Variants in ZNF521 observed in about 807,000 individuals in gnomAD.
The protein encoded by ZNF521 is zinc finger protein 521, also known as LYST-interacting protein 3.
A neutral mutation model predicts 105.5 loss-of-function variants in ZNF521; 14 were observed. The observed-to-expected ratio is 0.13, with a 90% confidence interval of 0.09 to 0.21. ZNF521 has a LOEUF of 0.21. Among genes scored for constraint, ZNF521 ranks in the 10% least tolerant of loss-of-function variants. ZNF521 has a pLI of 1.00. For synonymous variants in ZNF521, 635 were observed against 606.0 expected (o/e 1.05, Z -0.70); for missense variants, 1,233 against 1,629.7 (o/e 0.76, Z 4.19).
intron 2 of ZNF521, among the ~76,000 whole-genome samples, chr18:25,345,682 G>A (rs1914430267): frequency 1.3e-5 from 2 of 152,174 alleles, no homozygotes; most frequent in Non-Finnish European, 2.9e-5. Context: ...TGGGATCCTT[G>A]CCAACTGTAA....
chr18:25,183,063 T>C (rs2035659819), intron 5 of ZNF521, among the ~76,000 whole-genome samples: 1 of 152,156 alleles, frequency 6.6e-6, no homozygotes, highest in Non-Finnish European at 1.5e-5. Context: ...TAAGAAAAAC[T>C]GATAAAGGTG....
intron 5 of ZNF521, among the ~76,000 whole-genome samples, chr18:25,100,164 C>T (rs1288339439): frequency 6.6e-6 from 1 of 150,784 alleles, no homozygotes; most frequent in East Asian, 2.0e-4. Flanking sequence ...AGTCTCCAAA[C>T]ACTGAAAAGC....
At chr18:25,218,119 A>G (rs1905451635) in intron 4 of ZNF521, among the ~76,000 whole-genome samples, 1 of 152,218 alleles carries the variant, frequency 6.6e-6, no homozygotes. Flanking sequence ...TTTCACAATA[A>G]AAGGATTATT....
rs75621352 is a variant in ZNF521 at position 25,191,619 on chromosome 18, T to C, written c.3658+3541A>G. On this transcript the variant is annotated intron_variant, in intron 5 of 7. Coordinates refer to ENST00000361524, the MANE Select transcript of ZNF521 (RefSeq NM_015461.3). ...ATAGATAATTAGAGGCTGGTAATTA[T>C]TGGTCAAGAATTATCAGAGTGAAAA... Among the ~76,000 whole-genome samples the C allele has an allele frequency of 3.0e-3, 457 of 152,314 alleles. 6 individuals are homozygous for C. The highest frequency in any genetic ancestry group is 0.026 in the East Asian group (136 of 5,180).
intron 5 of ZNF521, among the ~76,000 whole-genome samples, chr18:25,187,158 T>C (rs1216318008): frequency 6.6e-6 from 1 of 152,090 alleles, no homozygotes; most frequent in Non-Finnish European, 1.5e-5. Flanking sequence ...GTAAAATTTC[T>C]AAGCACATTA....
At chr18:25,195,017 T>C in intron 5 of ZNF521, 143 bp downstream of exon 5, 1 of 646,700 alleles carries the variant, frequency 1.5e-6, no homozygotes. Context: ...TCAGGACTAA[T>C]AACAGAAATT....
At chr18:25,105,678 C>T (rs2034057743) in intron 5 of ZNF521, among the ~76,000 whole-genome samples, 1 of 152,140 alleles carries the variant, frequency 6.6e-6, no homozygotes, top group African/African-American at 2.4e-5. Flanking sequence ...AAGAGCTTTA[C>T]TGATTTGCTT....
intron 7 of ZNF521, among the ~76,000 whole-genome samples, chr18:25,071,176 C>A (rs2033212497): frequency 6.6e-6 from 1 of 152,188 alleles, no homozygotes; most frequent in Non-Finnish European, 1.5e-5. Flanking sequence ...CAAAGGGACA[C>A]ATATACCACA....
At chr18:25,089,379 T>C (rs748454437) in intron 7 of ZNF521, 86 bp downstream of exon 7, 25 of 1,013,734 alleles carry the variant, frequency 2.5e-5, no homozygotes, top group African/African-American at 1.8e-4. Context: ...GGGTGAGTGA[T>C]ACTGTGAATC....
In ZNF521 at chr18:25,062,514, C is replaced by A; in HGVS notation, c.*198G>T. On this transcript the variant is annotated 3_prime_UTR_variant, in exon 8 of 8. Coordinates refer to ENST00000361524, the MANE Select transcript of ZNF521 (RefSeq NM_015461.3). ...ATCAGACGACATAATACATGTGCAA[C>A]ACTTTATATACAAGGGGTCTATCCG... is the stretch of plus-strand genomic sequence containing the variant. 1 of 633,900 alleles carries A rather than the reference C, an allele frequency of 1.6e-6. No individual in the cohort carries two copies. The highest frequency in any genetic ancestry group is 2.2e-5 in the South Asian group (1 of 46,402). The allele number at this position is 633,900 out of a possible 1,614,324, so 39.3% of individuals were successfully genotyped here. A position where few individuals can be genotyped will look rare whatever the true frequency, so the allele number is the denominator to read the frequency against.
intron 5 of ZNF521, among the ~76,000 whole-genome samples, chr18:25,114,202 C>T (rs1008114613): frequency 6.6e-6 from 1 of 152,080 alleles, no homozygotes; most frequent in Non-Finnish European, 1.5e-5. Flanking sequence ...GAATGAATGC[C>T]CTTTATTTAT....
At chr18:25,229,113 C>T (rs957780868) in intron 3 of ZNF521, among the ~76,000 whole-genome samples, 3 of 152,146 alleles carry the variant, frequency 2.0e-5, no homozygotes, top group Non-Finnish European at 4.4e-5. Context: ...CACTAGCAAG[C>T]TAAATGATTA....
At chr18:25,168,353 G>A (rs565801040) in intron 5 of ZNF521, among the ~76,000 whole-genome samples, 11 of 152,178 alleles carry the variant, frequency 7.2e-5, no homozygotes, top group East Asian at 3.9e-4. Flanking sequence ...CTCCACATAC[G>A]ACAGCCATTT....
At chr18:25,290,776 A>G (rs944879065) in intron 3 of ZNF521, among the ~76,000 whole-genome samples, 50 of 151,982 alleles carry the variant, frequency 3.3e-4, no homozygotes, top group African/African-American at 1.1e-3. Context: ...ACACCTGGCT[A>G]ATTTTTGTAT....
intron 2 of ZNF521, among the ~76,000 whole-genome samples, chr18:25,337,292 C>T (rs548961157): frequency 3.9e-4 from 60 of 152,180 alleles, no homozygotes; most frequent in Non-Finnish European, 7.2e-4. Context: ...CAAGGGAAAG[C>T]GCTGACAATA....
chr18:25,286,964 T>C (rs979930917), intron 3 of ZNF521, among the ~76,000 whole-genome samples: 1 of 152,210 alleles, frequency 6.6e-6, no homozygotes, highest in Non-Finnish European at 1.5e-5. Context: ...TGAAGACATC[T>C]TTAGAATATC....
At chr18:25,139,372 C>CAAAAA (rs36175281) in intron 5 of ZNF521, among the ~76,000 whole-genome samples, 20 of 51,388 alleles carry the variant, frequency 3.9e-4, no homozygotes, top group East Asian at 8.4e-4. Context: ...GACTCTGTCT[C>CAAAAA]AAAAAAAAAA....
chr18:25,291,899 T>C (rs902568539), intron 3 of ZNF521, among the ~76,000 whole-genome samples: 1 of 152,116 alleles, frequency 6.6e-6, no homozygotes, highest in Non-Finnish European at 1.5e-5. Flanking sequence ...GACATCCTCA[T>C]TCCAGTCATT....
intron 3 of ZNF521, among the ~76,000 whole-genome samples, chr18:25,303,821 T>C (rs1473043798): frequency 6.6e-6 from 1 of 152,196 alleles, no homozygotes; most frequent in African/African-American, 2.4e-5. Context: ...AACACAAAGA[T>C]ATTTGGTTAA....
Sources: allele counts gnomAD v4.1 joint callset (sites outside exome capture counted in the v4.1 genomes callset), GRCh38; gene constraint gnomAD v4.1.1; transcripts MANE v1.5; gene names NCBI Gene and HGNC (gene_info 2026-07-23, HGNC 2026-07-21).